THRB: variants seen among roughly 807,000 people sequenced by gnomAD.
The protein encoded by THRB is thyroid hormone receptor beta.
THRB carries 12 observed loss-of-function variants against 47.8 expected under a neutral mutation model. The ratio of observed to expected loss-of-function variants is 0.25; its 90% CI spans 0.16 to 0.41. THRB has a LOEUF of 0.41. Ranked by LOEUF, THRB falls within the 10% of genes least tolerant of loss-of-function variation. The pLI is 1.00. For synonymous variants in THRB, 218 were observed against 212.2 expected, an observed-to-expected ratio of 1.03 and a Z score of -0.24; for missense variants, 348 against 589.2, an observed-to-expected ratio of 0.59 and a Z score of 4.24.
At position 24,123,026 on chromosome 3, in the gene THRB, G is replaced by A; in HGVS notation, c.1244C>T (p.Thr415Ile). 1.2e-6 allele frequency: 2 copies of A among 1,614,216 alleles called. No individual in the cohort carries two copies. The highest frequency in any genetic ancestry group is 1.7e-6 in the Non-Finnish European group (2 of 1,180,042). ...CATCAGGAGTTTTGGCCAAAAGTGTGTCACGTGGTGTTTTCGGTAATTGAT... is the reference window on the plus strand; with the variant it reads ...CATCAGGAGTTTTGGCCAAAAGTGTATCACGTGGTGTTTTCGGTAATTGAT... Reference protein sequence around the residue: ...HYINYRKHHVTHFWPKLLMKV... With the variant: ...HYINYRKHHVIHFWPKLLMKV... The change falls in exon 11 of 11, where the codon ACA (threonine) becomes ATA (isoleucine). Residue 415 changes from threonine (T) to isoleucine (I), a missense_variant. Physicochemically the swap from Thr to Ile is moderately conservative, Grantham distance 89. This residue lies in a region of THRB where 36 missense variants were observed against 51.7 expected (regional missense o/e 0.70). Transcript: ENST00000646209.
chr3:24,229,517 A>C (rs1348349786), intron 3 of THRB, among the ~76,000 whole-genome samples: 1 of 152,192 alleles, frequency 6.6e-6, no homozygotes, highest in Non-Finnish European at 1.5e-5. Context: ...CTGAATCCAT[A>C]TTCTCATCTG....
chr3:24,334,864 C>G (rs1432689203), intron 2 of THRB, among the ~76,000 whole-genome samples: 1 of 152,154 alleles, frequency 6.6e-6, no homozygotes, highest in Non-Finnish European at 1.5e-5. Flanking sequence ...GAGGCAAAGT[C>G]CAGCATAGTT....
At chr3:24,214,946 A>G (rs1021132557) in intron 4 of THRB, among the ~76,000 whole-genome samples, 9 of 152,242 alleles carry the variant, frequency 5.9e-5, no homozygotes, top group African/African-American at 2.2e-4. Context: ...CATAAATATT[A>G]TCACCCCATC....
At chr3:24,182,847 A>AC (rs986612305) in intron 5 of THRB, among the ~76,000 whole-genome samples, 108 of 152,308 alleles carry the variant, frequency 7.1e-4, no homozygotes, top group African/African-American at 2.5e-3. Flanking sequence ...AGCAAGTCTG[A>AC]CCACCCTGCA....
At chr3:24,261,272 G>A (rs2051955979) in intron 3 of THRB, among the ~76,000 whole-genome samples, 1 of 151,022 alleles carries the variant, frequency 6.6e-6, no homozygotes, top group Non-Finnish European at 1.5e-5. Flanking sequence ...GGAGGCCGAG[G>A]CGGGCAGATC....
At chr3:24,195,342 T>C (rs1036416778) in intron 4 of THRB, among the ~76,000 whole-genome samples, 1 of 152,234 alleles carries the variant, frequency 6.6e-6, no homozygotes, top group African/African-American at 2.4e-5. Flanking sequence ...CCTTTTGTGC[T>C]ATTAACCGAT....
intron 4 of THRB, among the ~76,000 whole-genome samples, chr3:24,202,069 C>A (rs144120382): frequency 4.6e-5 from 7 of 152,038 alleles, no homozygotes; most frequent in African/African-American, 9.6e-5. Flanking sequence ...GAATCCAGGC[C>A]CAAGTAGGAT....
intron 4 of THRB, among the ~76,000 whole-genome samples, chr3:24,222,663 A>G (rs1295481992): frequency 2.6e-5 from 4 of 152,220 alleles, no homozygotes; most frequent in Non-Finnish European, 4.4e-5. Flanking sequence ...GGGGGAAGAC[A>G]GATGCTTCCT....
At chr3:24,490,495 A>C (rs1697974576) in intron 1 of THRB, among the ~76,000 whole-genome samples, 1 of 152,182 alleles carries the variant, frequency 6.6e-6, no homozygotes, top group Non-Finnish European at 1.5e-5. Flanking sequence ...CCATGTACCA[A>C]GCTCTTTGCT....
chr3:24,241,365 T>A (rs2049483046), intron 3 of THRB, among the ~76,000 whole-genome samples: 1 of 152,184 alleles, frequency 6.6e-6, no homozygotes, highest in Non-Finnish European at 1.5e-5. Context: ...CTTCTGCTCA[T>A]GGGAGAAGTG....
chr3:24,154,777 C>G (rs557725924), intron 5 of THRB, among the ~76,000 whole-genome samples: 1 of 152,184 alleles, frequency 6.6e-6, no homozygotes, highest in Non-Finnish European at 1.5e-5. Context: ...AAAGCTACAT[C>G]TGAACCTCTT....
At chr3:24,429,269 C>A (rs2070115855) in intron 1 of THRB, among the ~76,000 whole-genome samples, 1 of 149,676 alleles carries the variant, frequency 6.7e-6, no homozygotes, top group Non-Finnish European at 1.5e-5. Flanking sequence ...ATTACATATA[C>A]ATATATATCA....
chr3:24,473,925 G>A (rs1263187645), intron 1 of THRB, among the ~76,000 whole-genome samples: 2 of 152,160 alleles, frequency 1.3e-5, no homozygotes, highest in African/African-American at 2.4e-5. Flanking sequence ...GACACAGGGA[G>A]GGGAACATCA....
At chr3:24,230,399 T>C (rs2048133725) in intron 3 of THRB, among the ~76,000 whole-genome samples, 2 of 152,300 alleles carry the variant, frequency 1.3e-5, no homozygotes, top group Admixed American at 1.3e-4. Context: ...TAAAATAAGA[T>C]GAATGAAGTT....
chr3:24,486,241 C>T (rs182267972), intron 1 of THRB, among the ~76,000 whole-genome samples: 44 of 152,276 alleles, frequency 2.9e-4, no homozygotes, highest in Admixed American at 1.4e-3. Flanking sequence ...AATGCCATAG[C>T]GTAGAGGAAT....
intron 1 of THRB, among the ~76,000 whole-genome samples, chr3:24,382,969 T>C (rs1019963914): frequency 6.6e-6 from 1 of 152,140 alleles, no homozygotes; most frequent in Admixed American, 6.6e-5. Context: ...CTGCATACTT[T>C]CTTGCCTCTA....
intron 1 of THRB, among the ~76,000 whole-genome samples, chr3:24,468,558 T>C (rs1018535491): frequency 3.3e-5 from 5 of 152,180 alleles, no homozygotes; most frequent in Non-Finnish European, 7.4e-5. Context: ...AATTTCTACA[T>C]TGCTGTTTCT....
At position 24,225,899 on chromosome 3, in the gene THRB, T is replaced by A. The variant is rs531076944; in HGVS notation, c.22+3039A>T. Among the ~76,000 whole-genome samples, 7 of 152,340 alleles carry A rather than the reference T, an allele frequency of 4.6e-5. No individual in the cohort carries two copies. The East Asian group carries it at 1.4e-3, about 29-fold the overall frequency. ...TCGCATTTTTCAATGAATGATTTCA[T>A]ATAGTCCTAATTTCAAATTAGGTGG... On this transcript the variant is annotated intron_variant, in intron 4 of 10. Coordinates refer to ENST00000646209, the MANE Select transcript of THRB (RefSeq NM_001354712.2).
chr3:24,295,866 T>C (rs1199627172), intron 3 of THRB, among the ~76,000 whole-genome samples: 1 of 152,228 alleles, frequency 6.6e-6, no homozygotes, highest in Non-Finnish European at 1.5e-5. Context: ...TCTGTGATAA[T>C]GTCAATGCTC....
Sources: gnomAD v4.1 joint callset for allele counts (sites outside exome capture counted in the v4.1 genomes callset) on GRCh38, gnomAD v4.1.1 for gene constraint, gnomAD v4.1.1 regional missense constraint, MANE v1.5 for transcripts, NCBI Gene and HGNC (gene_info 2026-07-23, HGNC 2026-07-21) for gene names.